Variants in PSMF1 observed in about 807,000 individuals in gnomAD.
PSMF1 encodes proteasome inhibitor PI31 subunit.
In PSMF1, 30 loss-of-function variants were observed where a neutral mutation model predicts 29.3. The ratio of observed to expected loss-of-function variants is 1.02; its 90% confidence interval spans 0.77 to 1.39. PSMF1 has a LOEUF of 1.39. Among genes scored for constraint, PSMF1 ranks in the 40% most tolerant of loss-of-function variants. PSMF1 has a pLI of 0.00. For synonymous variants in PSMF1, 134 were observed against 139.7 expected (o/e 0.96, Z 0.29); for missense variants, 344 against 357.5 (o/e 0.96, Z 0.31).
chr20:1,133,965 T>C (rs149606920), intron 3 of PSMF1, among the ~76,000 whole-genome samples: 481 of 133,176 alleles, frequency 3.6e-3, no homozygotes, highest in African/African-American at 0.012. Context: ...ATCTCCTGTT[T>C]CGTTCTTGTT....
In PSMF1 at chr20:1,165,946, A is replaced by T. The variant is rs2086724152; in HGVS notation, c.*866A>T. 4.4e-6 allele frequency: 6 copies of T among 1,357,156 alleles called. No individual in the cohort carries two copies. Among genetic ancestry groups the T allele is most frequent in the Non-Finnish European group, 5.7e-6 (6 of 1,051,300 alleles). The allele number at this position is 1,357,156 out of a possible 1,614,324, so 84.1% of individuals were successfully genotyped here. A position where few individuals can be genotyped will look rare whatever the true frequency, so the allele number is the denominator to read the frequency against. On this transcript the variant is annotated 3_prime_UTR_variant, in exon 7 of 7. Transcript: ENST00000335877. ...CCTTGTGCCAAGCCTATGAAATTGG[A>T]GGTGGCTTTCCTGCTCTAAAGCATT...
At chr20:1,127,996 T>C (rs1158938871) in intron 3 of PSMF1, among the ~76,000 whole-genome samples, 1 of 152,240 alleles carries the variant, frequency 6.6e-6, no homozygotes, top group African/African-American at 2.4e-5. Flanking sequence ...ATTCATTTGT[T>C]ACAACTAATG....
intron 4 of PSMF1, among the ~76,000 whole-genome samples, chr20:1,145,893 C>T (rs1189695244): frequency 6.6e-6 from 1 of 152,216 alleles, no homozygotes; most frequent in Non-Finnish European, 1.5e-5. Flanking sequence ...GTTTACCCCA[C>T]TTCTGACAGT....
At chr20:1,130,661 T>G (rs1318878491) in intron 3 of PSMF1, among the ~76,000 whole-genome samples, 1 of 152,278 alleles carries the variant, frequency 6.6e-6, no homozygotes, top group East Asian at 1.9e-4. Flanking sequence ...CAGGTTTCCC[T>G]CTGTTGCCCA....
At chr20:1,148,667 A>G (rs1273642077) in intron 4 of PSMF1, among the ~76,000 whole-genome samples, 1 of 152,220 alleles carries the variant, frequency 6.6e-6, no homozygotes, top group Non-Finnish European at 1.5e-5. Context: ...TCATTTTGCT[A>G]GTATGCTATG....
intron 2 of PSMF1, chr20:1,126,037 C>A (rs1600142801): frequency 2.2e-6 from 1 of 449,588 alleles, no homozygotes; most frequent in Non-Finnish European, 4.5e-6. Flanking sequence ...CTTCCCCTCC[C>A]CCATCTGCCA....
rs34220986 is a variant in PSMF1 at position 1,138,518 on chromosome 20, CAAAAAA to C, written c.551+3225_551+3230del. Reference sequence around the variant, plus strand: ...AGCCTGGGCAACAGAGACTGCATCTCAAAAAAAAAAAAAAAAAATACAACAAAGGAT... The same window carrying C: ...AGCCTGGGCAACAGAGACTGCATCTCAAAAAAAAAAAATACAACAAAGGAT... On this transcript the variant is annotated intron_variant, in intron 4 of 6. Transcript: ENST00000335877. Among the ~76,000 whole-genome samples, 23 of 97,794 alleles carry C rather than the reference CAAAAAA, an allele frequency of 2.4e-4. 1 individual carries two copies. The highest frequency in any genetic ancestry group is 9.0e-4 in the African/African-American group (23 of 25,460). The allele number at this position is 97,794 out of a possible 152,430, so 64.2% of individuals were successfully genotyped here.
intron 4 of PSMF1, 120 bp downstream of exon 4, chr20:1,135,426 T>C: frequency 9.4e-7 from 1 of 1,066,088 alleles, no homozygotes; most frequent in East Asian, 2.6e-5. Context: ...AAATGATCAG[T>C]GTCTTGGGGT....
chr20:1,164,485 T>C lies in PSMF1; in HGVS notation c.764+9T>C. ...GGGACCAGCCCACCCGGGTACGTAG[T>C]CACTCAGGTATGCTGAGAAGTAGGA... On this transcript the variant is annotated intron_variant, in intron 6 of 6. Transcript: ENST00000335877. This position sits in a 1 kb window ranked among gnomAD's most constrained non-coding sequence, Gnocchi z 4.1. 6.2e-7 allele frequency: 1 copy of C among 1,613,974 alleles called. No homozygotes were observed. The highest frequency in any genetic ancestry group is 8.5e-7 in the Non-Finnish European group (1 of 1,179,874).
In PSMF1 at chr20:1,125,550, A is replaced by C; in HGVS notation, c.182A>C (p.Asn61Thr). The C allele has an allele frequency of 6.2e-7, 1 of 1,613,982 alleles. No individual in the cohort carries two copies. Among genetic ancestry groups the C allele is most frequent in the Non-Finnish European group, 8.5e-7 (1 of 1,179,948 alleles). Residue 61 changes from asparagine to threonine, a missense_variant, in exon 2 of 7, where the codon AAT becomes ACT. Physicochemically the swap from Asn to Thr is moderately conservative, Grantham distance 65 (BLOSUM62 0). Coordinates refer to ENST00000335877, the MANE Select transcript of PSMF1 (RefSeq NM_006814.5). ...CTGCTGCCAGCTGGGTGGAACAACAATAAAGACCTGTATGTCCTCCGGTAT... is the reference window on the plus strand; with the variant it reads ...CTGCTGCCAGCTGGGTGGAACAACACTAAAGACCTGTATGTCCTCCGGTAT... The part of the protein sequence containing the change: ...SELLPAGWNN[N>T]KDLYVLRYEY...
intron 3 of PSMF1, among the ~76,000 whole-genome samples, chr20:1,129,781 T>G (rs1283986689): frequency 6.6e-6 from 1 of 152,214 alleles, no homozygotes; most frequent in Non-Finnish European, 1.5e-5. Flanking sequence ...ATGACAGTTC[T>G]TCAAAAAATT....
intron 4 of PSMF1, chr20:1,161,087 C>T: frequency 2.1e-6 from 1 of 481,944 alleles, no homozygotes; most frequent in Non-Finnish European, 3.5e-6. Flanking sequence ...GGGCTATGCC[C>T]TCCCCACGCC....
At chr20:1,132,188 T>C (rs1253843149) in intron 3 of PSMF1, among the ~76,000 whole-genome samples, 1 of 152,214 alleles carries the variant, frequency 6.6e-6, no homozygotes, top group Non-Finnish European at 1.5e-5. Context: ...AGTAGAATAA[T>C]TCCTCCCACT....
intron 3 of PSMF1, among the ~76,000 whole-genome samples, chr20:1,132,251 TTTTCTTTTTTC>T (rs2086239324): frequency 6.6e-6 from 1 of 151,728 alleles, no homozygotes; most frequent in South Asian, 2.1e-4. Flanking sequence ...CTTTTCTTTT[TTTTCTTTTTTC>T]TTTCTTTTTT....
At chr20:1,124,996 A>G (rs1472758836) in intron 1 of PSMF1, among the ~76,000 whole-genome samples, 1 of 152,214 alleles carries the variant, frequency 6.6e-6, no homozygotes, top group East Asian at 1.9e-4. Context: ...GAGACATTTT[A>G]TAATTCTTTG....
chr20:1,156,415 C>T (rs1191600687), intron 4 of PSMF1, among the ~76,000 whole-genome samples: 2 of 152,136 alleles, frequency 1.3e-5, no homozygotes, highest in Non-Finnish European at 2.9e-5. Flanking sequence ...TCAAAAAGCT[C>T]AGCAGACCCT....
At chr20:1,118,955 TC>T in intron 1 of PSMF1, 53 bp downstream of exon 1, 1 of 1,597,962 alleles carries the variant, frequency 6.3e-7, no homozygotes. Context: ...CTGCCCAAAC[TC>T]AGAGTACCGG....
chr20:1,118,771 C>T lies in PSMF1; in HGVS notation c.-3C>T. The T allele has an allele frequency of 6.2e-7, 1 of 1,610,680 alleles. No individual in the cohort carries two copies. Among genetic ancestry groups the T allele is most frequent in the South Asian group, 1.1e-5 (1 of 90,954 alleles). On this transcript the variant is annotated 5_prime_UTR_variant, in exon 1 of 7. Coordinates refer to ENST00000335877, the MANE Select transcript of PSMF1 (RefSeq NM_006814.5). ...CCTCCAGACGCCGAAGTCGCGGGCG[C>T]TCATGGCGGGCCTGGAGGTACTGTT...
chr20:1,169,701 A>G lies in PSMF1; in HGVS notation c.*4621A>G, dbSNP rs556033767. Among the ~76,000 whole-genome samples, 168 of 152,380 alleles carry G rather than the reference A, an allele frequency of 1.1e-3. 1 individual carries two copies. The highest frequency in any genetic ancestry group is 6.8e-3 in the South Asian group (33 of 4,830). On this transcript the variant is annotated 3_prime_UTR_variant, in exon 7 of 7. Transcript: ENST00000335877. The stretch of plus-strand genomic sequence containing the variant: ...GCTGCCTATATCTGCACCAAAAAGT[A>G]GATGTCCTTCACACTGCCATCTGGA...
Sources: allele counts gnomAD v4.1 joint callset (sites outside exome capture counted in the v4.1 genomes callset), GRCh38; gene constraint gnomAD v4.1.1; non-coding constraint Gnocchi (gnomAD v3.1); transcripts MANE v1.5; gene names NCBI Gene and HGNC (gene_info 2026-07-23, HGNC 2026-07-21).